TEK: variants seen among roughly 807,000 people sequenced by gnomAD.
TEK encodes the protein TEK receptor tyrosine kinase.
A neutral mutation model predicts 131.8 loss-of-function variants in TEK; 43 were observed. The observed-to-expected ratio is 0.33, with a 90% CI of 0.26 to 0.42. The LOEUF (loss-of-function observed/expected upper bound fraction) is 0.42, where lower values mean the gene tolerates loss of function less well. TEK is among the 10% of genes least tolerant of loss of function. The pLI is 1.00. For synonymous variants in TEK, 580 were observed against 491.6 expected (o/e 1.18, Z -2.38); for missense variants, 1,162 against 1,384.4 (o/e 0.84, Z 2.55).
intron 1 of TEK, among the ~76,000 whole-genome samples, chr9:27,119,948 C>G (rs7018674): frequency 0.018 from 2,744 of 152,182 alleles, 99 homozygotes; most frequent in African/African-American, 0.063. Flanking sequence ...AAATAGCTCT[C>G]CCCCCATTTC....
At chr9:27,128,264 T>G (rs1471617006) in intron 1 of TEK, among the ~76,000 whole-genome samples, 1 of 152,206 alleles carries the variant, frequency 6.6e-6, no homozygotes, top group African/African-American at 2.4e-5. Context: ...TTTTGTCAGG[T>G]TTGTTAAAGA....
intron 1 of TEK, among the ~76,000 whole-genome samples, chr9:27,133,744 G>C (rs1318302022): frequency 6.6e-6 from 1 of 152,126 alleles, no homozygotes; most frequent in African/African-American, 2.4e-5. Context: ...ACGTCTCTGG[G>C]ATCTTTACCC....
At chr9:27,111,287 C>T (rs1337891621) in intron 1 of TEK, among the ~76,000 whole-genome samples, 2 of 152,150 alleles carry the variant, frequency 1.3e-5, no homozygotes, top group African/African-American at 4.8e-5. Flanking sequence ...AGGTTAGTTT[C>T]TGAGGTAGGT....
intron 1 of TEK, among the ~76,000 whole-genome samples, chr9:27,157,389 A>G (rs1048841129): frequency 2.6e-5 from 4 of 152,212 alleles, no homozygotes; most frequent in East Asian, 3.8e-4. Flanking sequence ...ATGAGAATCT[A>G]TAAGGCATAA....
intron 1 of TEK, among the ~76,000 whole-genome samples, chr9:27,148,834 A>C (rs1312287194): frequency 6.6e-6 from 1 of 152,212 alleles, no homozygotes; most frequent in East Asian, 1.9e-4. Context: ...TAAGTTTTAC[A>C]TGTAACATAC....
intron 1 of TEK, among the ~76,000 whole-genome samples, chr9:27,128,681 G>C (rs1250518959): frequency 6.6e-6 from 1 of 152,104 alleles, no homozygotes; most frequent in Non-Finnish European, 1.5e-5. Context: ...TCTCCTTGAA[G>C]AGGTCCTTCA....
At position 27,229,461 on chromosome 9, in the gene TEK, G is replaced by C; in HGVS notation, c.*229G>C. 1.8e-6 allele frequency: 1 copy of C among 566,336 alleles called. No homozygotes were observed. Among genetic ancestry groups the C allele is most frequent in the Non-Finnish European group, 3.2e-6 (1 of 317,026 alleles). 35.1% of individuals were successfully genotyped at this position (566,336 alleles called of 1,614,324 possible). ...AGAATGGGCTGAAATCAGAATGCCT[G>C]TTTGTGGTTTCATATGCAATAATAT... On this transcript the variant is annotated 3_prime_UTR_variant, in exon 23 of 23. Transcript: ENST00000380036.
chr9:27,207,750 T>TC lies in TEK; in HGVS notation c.2575+959dup, dbSNP rs1825449011. On this transcript the variant is annotated intron_variant, in intron 15 of 22. Coordinates refer to ENST00000380036, the MANE Select transcript of TEK (RefSeq NM_000459.5). ...CTCTCTAAGGATGCTGGCAGATTTT[T>TC]CTTTTTTTTTGGACCACACTATTGA... Among the ~76,000 whole-genome samples the TC allele has an allele frequency of 7.2e-5, 11 of 152,342 alleles. No individual in the cohort carries two copies. The South Asian group carries it at 2.3e-3, about 32-fold the overall frequency.
rs372492561 is a variant in TEK at position 27,208,973 on chromosome 9, C to T, written c.2576-148C>T. 182 of 683,560 alleles carry T rather than the reference C, an allele frequency of 2.7e-4. 5 individuals carry two copies. Among genetic ancestry groups the T allele is most frequent in the East Asian group, 5.7e-4 (21 of 36,586 alleles). 42.3% of individuals were successfully genotyped at this position (683,560 alleles called of 1,614,324 possible). A position where few individuals can be genotyped will look rare whatever the true frequency, so the allele number is the denominator to read the frequency against. On this transcript the variant is annotated intron_variant, in intron 15 of 22. Transcript: ENST00000380036. ...AGCCCAGTGTCAATAGTGCCAAGGCCGAGAAACTCTACTTTAGAGTAATCT... is the reference window on the plus strand; with the variant it reads ...AGCCCAGTGTCAATAGTGCCAAGGCTGAGAAACTCTACTTTAGAGTAATCT...
intron 20 of TEK, 147 bp downstream of exon 20, chr9:27,218,964 T>G (rs1204190794): frequency 7.3e-6 from 6 of 817,532 alleles, no homozygotes; most frequent in Non-Finnish European, 1.2e-5. Context: ...AGTGTATTAA[T>G]TCCCATATTT....
intron 16 of TEK, among the ~76,000 whole-genome samples, chr9:27,211,675 G>T (rs1825637285): frequency 6.6e-6 from 1 of 151,598 alleles, no homozygotes; most frequent in Non-Finnish European, 1.5e-5. Context: ...TCAGTATACT[G>T]CCCAAGCTGG....
At chr9:27,185,710 G>C in intron 9 of TEK, 81 bp downstream of exon 9, 1 of 1,565,638 alleles carries the variant, frequency 6.4e-7, no homozygotes, top group Non-Finnish European at 8.8e-7. Context: ...AGAAATGTAT[G>C]CGACCACTAA....
chr9:27,210,748 A>G lies in TEK; in HGVS notation c.2686+1517A>G, dbSNP rs963008913. 5.9e-5 allele frequency: 9 copies of G among 152,134 alleles called. 1 individual carries two copies. The highest frequency in any genetic ancestry group is 2.1e-4 in the South Asian group (1 of 4,804). 9.4% of individuals were successfully genotyped at this position (152,134 alleles called of 1,614,324 possible). A position where few individuals can be genotyped will look rare whatever the true frequency, so the allele number is the denominator to read the frequency against. On this transcript the variant is annotated intron_variant, in intron 16 of 22. Coordinates refer to ENST00000380036, the MANE Select transcript of TEK (RefSeq NM_000459.5). ...ATATTAATGCAGCTTCCTTCTTGGG[A>G]AAAAAAACCACAACAACAAAAATAT...
At chr9:27,115,769 A>G (rs1456065291) in intron 1 of TEK, among the ~76,000 whole-genome samples, 1 of 152,194 alleles carries the variant, frequency 6.6e-6, no homozygotes, top group Non-Finnish European at 1.5e-5. Context: ...AGCAACCTAT[A>G]CAAAGGGGGT....
At chr9:27,205,155 TA>T in intron 14 of TEK, 90 bp downstream of exon 14, 5 of 1,516,608 alleles carry the variant, frequency 3.3e-6, no homozygotes, top group Non-Finnish European at 4.5e-6. Flanking sequence ...GAAATTTACT[TA>T]TAAAGTAAAT....
intron 6 of TEK, among the ~76,000 whole-genome samples, chr9:27,173,738 T>TTG (rs1824056336): frequency 3.3e-4 from 20 of 60,274 alleles, no homozygotes; most frequent in African/African-American, 4.6e-4. Flanking sequence ...TTTTTTTTGG[T>TTG]TTTTTTTTTT....
chr9:27,228,159 C>T (rs1324410000), intron 21 of TEK, 47 bp from the exon 22 acceptor site: 1 of 1,514,156 alleles, frequency 6.6e-7, no homozygotes, highest in Admixed American at 1.7e-5. Flanking sequence ...GTGCCTAGGA[C>T]TGAAGCACAG....
At chr9:27,206,879 CA>C in intron 15 of TEK, 87 bp downstream of exon 15, 2 of 1,468,818 alleles carry the variant, frequency 1.4e-6, no homozygotes. Context: ...TATGGTCTTA[CA>C]AAAAATTGGC....
intron 6 of TEK, among the ~76,000 whole-genome samples, chr9:27,175,628 T>C (rs1824140015): frequency 6.6e-6 from 1 of 151,804 alleles, no homozygotes; most frequent in Non-Finnish European, 1.5e-5. Flanking sequence ...TTCCTATTTC[T>C]CCACATCCTC....
Sources: gnomAD v4.1 joint callset for allele counts (sites outside exome capture counted in the v4.1 genomes callset) on GRCh38, gnomAD v4.1.1 for gene constraint, MANE v1.5 for transcripts, NCBI Gene and HGNC (gene_info 2026-07-23, HGNC 2026-07-21) for gene names.